CMPK1: variants seen among roughly 807,000 people sequenced by gnomAD.
The protein encoded by CMPK1 is UMP-CMP kinase.
In CMPK1, 10 loss-of-function variants were observed where a neutral mutation model predicts 25.7. The observed-to-expected ratio is 0.39, with a 90% confidence interval of 0.24 to 0.66. CMPK1 has a LOEUF of 0.66. Ranked by LOEUF, CMPK1 falls within the 30% of genes least tolerant of loss-of-function variation. The pLI is 0.48. For missense variants in CMPK1, 199 were observed against 280.5 expected (o/e 0.71, Z 2.08); for synonymous variants, 106 against 101.5 (o/e 1.04, Z -0.27).
chr1:47,368,779 G>A (rs1340071358), intron 2 of CMPK1, among the ~76,000 whole-genome samples, 164 bp downstream of exon 2: 1 of 152,130 alleles, frequency 6.6e-6, no homozygotes, highest in Non-Finnish European at 1.5e-5. Flanking sequence ...GGACAACCTA[G>A]TGAAACCCCA....
In CMPK1 at chr1:47,368,611, A is replaced by C; in HGVS notation, c.314A>C (p.Lys105Thr). ...GTTGAGATAACCATCAGTTTATTAA[A>C]GAGGGTAAGGAGTGTGAATGCCAAC... ...VPVEITISLL[K>T]REMDQTMAAN... The change falls in exon 2 of 6, where the codon AAG (lysine) becomes ACG (threonine). Residue 105 changes from lysine (K) to threonine (T), a missense_variant. By Grantham distance (78) the Lys-to-Thr change is moderately conservative. Around this residue, in one of 2 missense-constraint regions of CMPK1, gnomAD observed 140 missense variants for 235.5 expected, o/e 0.59. Coordinates refer to ENST00000371873, the MANE Select transcript of CMPK1 (RefSeq NM_016308.3). 2 of 1,606,502 alleles carry C rather than the reference A, an allele frequency of 1.2e-6. No homozygotes were observed. The highest frequency in any genetic ancestry group is 1.7e-6 in the Non-Finnish European group (2 of 1,176,506).
At chr1:47,375,326 T>A (rs752778206) in intron 5 of CMPK1, 33 bp downstream of exon 5, 1 of 1,329,420 alleles carries the variant, frequency 7.5e-7, no homozygotes, top group Admixed American at 2.3e-5. Context: ...TAAAAAAATA[T>A]GTCAAATAAA....
intron 1 of CMPK1, among the ~76,000 whole-genome samples, chr1:47,361,685 C>T (rs11211523): frequency 0.18 from 26,949 of 151,976 alleles, 3,040 homozygotes; most frequent in East Asian, 0.54. Flanking sequence ...CCCTGAGCCC[C>T]GGACCTGTAA....
intron 1 of CMPK1, among the ~76,000 whole-genome samples, chr1:47,344,598 A>G (rs1482506083): frequency 1.3e-5 from 2 of 151,772 alleles, no homozygotes; most frequent in African/African-American, 4.8e-5. Context: ...TCCCGGGTTC[A>G]AGCGATTCTC....
intron 1 of CMPK1, among the ~76,000 whole-genome samples, chr1:47,352,069 G>A (rs538087066): frequency 1.3e-4 from 20 of 152,212 alleles, no homozygotes; most frequent in Admixed American, 1.2e-3. Context: ...CCCAGGAGGC[G>A]GAGGTTGCAG....
chr1:47,374,488 G>C (rs1646695428), intron 3 of CMPK1, among the ~76,000 whole-genome samples: 1 of 152,078 alleles, frequency 6.6e-6, no homozygotes, highest in Admixed American at 6.6e-5. Context: ...ATTAACAAAG[G>C]ATGCTTTATT....
intron 1 of CMPK1, among the ~76,000 whole-genome samples, chr1:47,350,575 TAG>T (rs113485399): frequency 4.0e-4 from 61 of 152,152 alleles, no homozygotes; most frequent in Admixed American, 1.6e-3. Context: ...TTATTTAAAG[TAG>T]AGTGTGCGTA....
intron 2 of CMPK1, among the ~76,000 whole-genome samples, chr1:47,370,805 G>A (rs1369233401): frequency 1.5e-5 from 2 of 137,306 alleles, no homozygotes; most frequent in African/African-American, 5.1e-5. Context: ...AAAAAAATTA[G>A]TCGGCCGTGG....
rs1351591566 is a variant in CMPK1 at position 47,338,513 on chromosome 1, TTCCCTCCCTCCCTCCCTCTC to T, written c.171+4401_171+4420del. On this transcript the variant is annotated intron_variant, in intron 1 of 5. Coordinates refer to ENST00000371873, the MANE Select transcript of CMPK1 (RefSeq NM_016308.3). ...TTTGCTTTTCTCCTTCCTTCCTTCC[TTCCCTCCCTCCCTCCCTCTC>T]TCCTTCCCTCCCTCCCTCTCTCCTT... is the stretch of plus-strand genomic sequence containing the variant. Among the ~76,000 whole-genome samples, 139 of 95,134 alleles carry T rather than the reference TTCCCTCCCTCCCTCCCTCTC, an allele frequency of 1.5e-3. 1 individual carries two copies. Among genetic ancestry groups the T allele is most frequent in the African/African-American group, 3.4e-3 (114 of 33,050 alleles). 62.4% of individuals were successfully genotyped at this position (95,134 alleles called of 152,430 possible). A position where few individuals can be genotyped will look rare whatever the true frequency, so the allele number is the denominator to read the frequency against.
At chr1:47,347,252 C>T (rs1280945876) in intron 1 of CMPK1, among the ~76,000 whole-genome samples, 1 of 151,676 alleles carries the variant, frequency 6.6e-6, no homozygotes, top group Non-Finnish European at 1.5e-5. Flanking sequence ...CTTTGTTGCC[C>T]AGGCTGGAGT....
chr1:47,339,475 C>T (rs889972370), intron 1 of CMPK1, among the ~76,000 whole-genome samples: 1 of 152,006 alleles, frequency 6.6e-6, no homozygotes, highest in Non-Finnish European at 1.5e-5. Flanking sequence ...ATCTTTGTGT[C>T]CCCAGTGTTG....
chr1:47,352,014 G>A (rs866516559), intron 1 of CMPK1, among the ~76,000 whole-genome samples: 3 of 152,034 alleles, frequency 2.0e-5, no homozygotes, highest in African/African-American at 2.4e-5. Flanking sequence ...TTGCACATCC[G>A]TAATCCCAGC....
chr1:47,334,150 CT>C, intron 1 of CMPK1, 34 bp downstream of exon 1: 4 of 1,448,138 alleles, frequency 2.8e-6, no homozygotes, highest in Non-Finnish European at 3.7e-6. Flanking sequence ...CTCCTTGGGG[CT>C]TGACGGGATG....
intron 1 of CMPK1, among the ~76,000 whole-genome samples, chr1:47,359,430 C>G (rs1332317537): frequency 7.4e-6 from 1 of 134,552 alleles, no homozygotes; most frequent in Non-Finnish European, 1.5e-5. Flanking sequence ...CTCTGTCACC[C>G]AGGCTGGAGT....
chr1:47,377,163 A>C lies in CMPK1; in HGVS notation c.*418A>C, dbSNP rs925059187. The C allele has an allele frequency of 6.5e-6, 1 of 153,526 alleles. No individual in the cohort carries two copies. Among genetic ancestry groups the C allele is most frequent in the African/African-American group, 2.4e-5 (1 of 41,500 alleles). The allele number at this position is 153,526 out of a possible 1,614,324, so 9.5% of individuals were successfully genotyped here. ...CAACCTTAAGTGAATTTGTGGACCA[A>C]ATTTCAAAGGAACTTTTTGTGTAGT... On this transcript the variant is annotated 3_prime_UTR_variant, in exon 6 of 6. Coordinates refer to ENST00000371873, the MANE Select transcript of CMPK1 (RefSeq NM_016308.3).
At chr1:47,370,479 A>C (rs1297592507) in intron 2 of CMPK1, among the ~76,000 whole-genome samples, 1 of 151,300 alleles carries the variant, frequency 6.6e-6, no homozygotes, top group African/African-American at 2.4e-5. Flanking sequence ...TCTCTACCAA[A>C]AAATATAAAA....
intron 3 of CMPK1, among the ~76,000 whole-genome samples, chr1:47,374,517 C>T (rs1011172842): frequency 6.6e-6 from 1 of 152,084 alleles, no homozygotes; most frequent in African/African-American, 2.4e-5. Context: ...AATATGTTGA[C>T]TCAAATATTT....
At chr1:47,335,390 G>C (rs1254985998) in intron 1 of CMPK1, among the ~76,000 whole-genome samples, 1 of 152,156 alleles carries the variant, frequency 6.6e-6, no homozygotes, top group South Asian at 2.1e-4. Flanking sequence ...TGTAATCCCA[G>C]CACTTTGGGA....
chr1:47,370,844 G>A (rs983836069), intron 2 of CMPK1, among the ~76,000 whole-genome samples: 4 of 151,566 alleles, frequency 2.6e-5, no homozygotes, highest in Admixed American at 6.6e-5. Context: ...CCAGCTGCTC[G>A]GGAGGCTGAG....
Sources: allele counts gnomAD v4.1 joint callset (sites outside exome capture counted in the v4.1 genomes callset), GRCh38; gene constraint gnomAD v4.1.1; regional missense constraint gnomAD v4.1.1; transcripts MANE v1.5; gene names NCBI Gene and HGNC (gene_info 2026-07-23, HGNC 2026-07-21).